NRG1: variants seen among roughly 807,000 people sequenced by gnomAD.
NRG1 encodes pro-neuregulin-1, membrane-bound isoform.
In NRG1, 18 loss-of-function variants were observed where a neutral mutation model predicts 63.8. That is an observed-to-expected ratio of 0.28 (90% confidence interval 0.19 to 0.42). NRG1 has a LOEUF of 0.42. Among genes scored for constraint, NRG1 ranks in the 10% least tolerant of loss-of-function variants. The pLI is 1.00. For missense variants in NRG1, 762 were observed against 814.7 expected (o/e 0.94, Z 0.79); for synonymous variants, 302 against 301.3 (o/e 1.00, Z -0.02).
At chr8:32,523,448 T>A (rs1184648934) in intron 1 of NRG1, among the ~76,000 whole-genome samples, 6 of 152,230 alleles carry the variant, frequency 3.9e-5, no homozygotes, top group Non-Finnish European at 8.8e-5. Context: ...AGCGTTGCTA[T>A]TTTTAAAAGA....
chr8:32,663,539 A>C (rs1187753880), intron 5 of NRG1, among the ~76,000 whole-genome samples: 1 of 152,152 alleles, frequency 6.6e-6, no homozygotes, highest in Non-Finnish European at 1.5e-5. Context: ...TATGATGAAA[A>C]TACACAGCAA....
intron 5 of NRG1, among the ~76,000 whole-genome samples, chr8:32,709,378 C>T (rs1326892359): frequency 1.3e-5 from 2 of 151,976 alleles, no homozygotes; most frequent in African/African-American, 4.8e-5. Context: ...AAATCTGTGA[C>T]TTACCTTGCT....
chr8:32,718,888 C>T (rs1376650162), intron 5 of NRG1, among the ~76,000 whole-genome samples: 3 of 152,136 alleles, frequency 2.0e-5, no homozygotes, highest in Non-Finnish European at 4.4e-5. Flanking sequence ...AATATGATCA[C>T]ATTATTTCAC....
rs543522972 is a variant in NRG1 at position 32,054,863 on chromosome 8, CTTTTTTTTTTTTTTTTTTTTTTT to C, written c.37+415453_37+415475del. On this transcript the variant is annotated intron_variant, in intron 1 of 10. Transcript: ENST00000519301. ...CCTTGAAAAGCAGATTTCTTTCTTT[CTTTTTTTTTTTTTTTTTTTTTTT>C]TTTTTTTTTTTTTTTTTTTTGAGAT... Among the ~76,000 whole-genome samples, 568 of 63,992 alleles carry C rather than the reference CTTTTTTTTTTTTTTTTTTTTTTT, an allele frequency of 8.9e-3. 3 individuals are homozygous for C. Among genetic ancestry groups the C allele is most frequent in the African/African-American group, 0.033 (539 of 16,396 alleles). 42.0% of individuals were successfully genotyped at this position (63,992 alleles called of 152,430 possible).
intron 1 of NRG1, among the ~76,000 whole-genome samples, chr8:32,177,208 C>T (rs1313534195): frequency 1.3e-5 from 2 of 151,922 alleles, no homozygotes; most frequent in East Asian, 2.0e-4. Context: ...AACCATCATT[C>T]TCAGCAAACT....
intron 1 of NRG1, among the ~76,000 whole-genome samples, chr8:31,861,032 A>G (rs888137240): frequency 2.0e-5 from 3 of 152,224 alleles, no homozygotes; most frequent in African/African-American, 7.2e-5. Flanking sequence ...AAACCTGCCA[A>G]CGTTAGTGAT....
At chr8:31,725,262 G>A (rs1813310685) in intron 1 of NRG1, among the ~76,000 whole-genome samples, 1 of 152,152 alleles carries the variant, frequency 6.6e-6, no homozygotes, top group Non-Finnish European at 1.5e-5. Flanking sequence ...TGCATTTACT[G>A]AGCTATCTAG....
chr8:32,019,184 C>A (rs1046181999), intron 1 of NRG1, among the ~76,000 whole-genome samples: 1 of 152,172 alleles, frequency 6.6e-6, no homozygotes, highest in Admixed American at 6.5e-5. Flanking sequence ...CTGCAAGCTC[C>A]GTCTCCCAGG....
At chr8:32,760,118 A>G (rs1272055972) in intron 10 of NRG1, 82 bp from the exon 11 acceptor site, 23 of 1,508,800 alleles carry the variant, frequency 1.5e-5, no homozygotes, top group South Asian at 2.4e-5. Flanking sequence ...AACATTTGTC[A>G]GAATCCATTC....
At chr8:32,315,683 A>G (rs1857304405) in intron 1 of NRG1, among the ~76,000 whole-genome samples, 2 of 152,188 alleles carry the variant, frequency 1.3e-5, no homozygotes, top group South Asian at 4.1e-4. Context: ...GGAATCTGAC[A>G]CCTGCTAGAC....
intron 1 of NRG1, among the ~76,000 whole-genome samples, chr8:32,043,283 C>G (rs1477598066): frequency 6.6e-6 from 1 of 151,852 alleles, no homozygotes; most frequent in Non-Finnish European, 1.5e-5. Context: ...AAGAAATCAA[C>G]CAACATTTTT....
intron 1 of NRG1, among the ~76,000 whole-genome samples, chr8:32,081,310 A>G (rs552196641): frequency 1.3e-5 from 2 of 152,280 alleles, no homozygotes; most frequent in East Asian, 1.9e-4. Context: ...GAGGAGATAC[A>G]GTGTAGTCCA....
intron 1 of NRG1, among the ~76,000 whole-genome samples, chr8:32,448,041 T>C (rs933858188): frequency 1.3e-5 from 2 of 152,184 alleles, no homozygotes; most frequent in African/African-American, 4.8e-5. Flanking sequence ...TTCATCTGAG[T>C]ATATTACTCT....
intron 1 of NRG1, among the ~76,000 whole-genome samples, chr8:31,820,552 A>G (rs1228887534): frequency 6.6e-6 from 1 of 152,206 alleles, no homozygotes; most frequent in African/African-American, 2.4e-5. Context: ...CAGATCATGC[A>G]GAAATGTGAA....
chr8:32,019,846 C>T (rs1286109414), intron 1 of NRG1, among the ~76,000 whole-genome samples: 1 of 152,184 alleles, frequency 6.6e-6, no homozygotes, highest in African/African-American at 2.4e-5. Context: ...AAACCATATA[C>T]CTGTGGGTCT....
At chr8:32,359,861 A>G (rs912797478) in intron 1 of NRG1, among the ~76,000 whole-genome samples, 4 of 152,198 alleles carry the variant, frequency 2.6e-5, no homozygotes, top group Admixed American at 2.0e-4. Context: ...ATGTCATGCC[A>G]GAAAGATGAA....
At chr8:31,938,971 A>G (rs1801354052) in intron 1 of NRG1, among the ~76,000 whole-genome samples, 1 of 152,202 alleles carries the variant, frequency 6.6e-6, no homozygotes, top group African/African-American at 2.4e-5. Context: ...GAGAAATCTA[A>G]AAGTTTGGAA....
At chr8:32,728,831 C>T (rs184320787) in intron 6 of NRG1, among the ~76,000 whole-genome samples, 4 of 152,002 alleles carry the variant, frequency 2.6e-5, no homozygotes, top group South Asian at 2.1e-4. Flanking sequence ...TTTGGGAGGC[C>T]GAGGCGGGCA....
chr8:31,880,349 T>C (rs1444903643), intron 1 of NRG1, among the ~76,000 whole-genome samples: 1 of 151,946 alleles, frequency 6.6e-6, no homozygotes, highest in South Asian at 2.1e-4. Flanking sequence ...AAGGGTGGAG[T>C]AGTTAATGTA....
Sources: gnomAD v4.1 joint callset for allele counts (sites outside exome capture counted in the v4.1 genomes callset) on GRCh38, gnomAD v4.1.1 for gene constraint, MANE v1.5 for transcripts, NCBI Gene and HGNC (gene_info 2026-07-23, HGNC 2026-07-21) for gene names.